Variants in SFMBT2 observed in about 807,000 individuals in gnomAD.
SFMBT2 encodes the protein Scm like with four mbt domains 2.
Under a neutral mutation model 110.1 loss-of-function variants are expected in SFMBT2, and 38 were observed. The ratio of observed to expected loss-of-function variants is 0.35; its 90% CI spans 0.27 to 0.45. The LOEUF (loss-of-function observed/expected upper bound fraction) is 0.45. SFMBT2 is among the 20% of genes least tolerant of loss of function. The pLI, the probability that SFMBT2 is intolerant of heterozygous loss-of-function variation, is 1.00. For synonymous variants in SFMBT2, 425 were observed against 425.4 expected, an observed-to-expected ratio of 1.00 and a Z score of 0.01; for missense variants, 1,011 against 1,094.9, an observed-to-expected ratio of 0.92 and a Z score of 1.08.
At chr10:7,341,511 T>G (rs1339755344) in intron 4 of SFMBT2, among the ~76,000 whole-genome samples, 1 of 152,218 alleles carries the variant, frequency 6.6e-6, no homozygotes, top group East Asian at 1.9e-4. Context: ...TTTTATTCAT[T>G]CAACAAATTT....
rs1377534554 is a variant in SFMBT2 at position 7,172,592 on chromosome 10, T to C, written c.2054A>G (p.His685Arg). 6 of 1,614,066 alleles carry C rather than the reference T, an allele frequency of 3.7e-6. No individual in the cohort carries two copies. In the Admixed American group the frequency reaches 8.3e-5, roughly 22 times the overall value. Residue 685 changes from histidine to arginine, a missense_variant, in exon 18 of 21, where the codon CAC becomes CGC. By Grantham distance (29) the His-to-Arg change is conservative. This residue lies in a region of SFMBT2 where 979 missense variants were observed against 1,016.1 expected (regional missense o/e 0.96). Transcript: ENST00000397167. This position sits in a 1 kb window ranked among gnomAD's most constrained non-coding sequence, Gnocchi z 4.6. ...PIGESNPDSG[H>R]PKPARRRKRR... ...CTTCCTCCGCCTGGCGGGTTTGGGGTGTCCGCTGTCGGGGTTGCTTTCCCC... is the reference window on the plus strand; with the variant it reads ...CTTCCTCCGCCTGGCGGGTTTGGGGCGTCCGCTGTCGGGGTTGCTTTCCCC...
In SFMBT2 at chr10:7,227,898, T is replaced by C. The variant is rs772185269; in HGVS notation, c.1160A>G (p.Lys387Arg). The part of the protein sequence containing the change: ...GQDFDWADYH[K>R]QHGAQEAPPF... ...AGGGGCTTCCTGCGCCCCATGCTGC[T>C]TGTGATAATCTGCCCAGTCGAAGTC... The change falls in exon 10 of 21, where the codon AAG becomes AGG. Residue 387 changes from lysine (K) to arginine (R), a missense_variant. Physicochemically the swap from Lys to Arg is conservative, Grantham distance 26. Transcript: ENST00000397167. 6.2e-7 allele frequency: 1 copy of C among 1,608,118 alleles called. No individual in the cohort carries two copies. Among genetic ancestry groups the C allele is most frequent in the Admixed American group, 1.7e-5 (1 of 58,680 alleles).
At chr10:7,203,136 C>T in intron 12 of SFMBT2, 1 of 975,776 alleles carries the variant, frequency 1.0e-6, no homozygotes, top group Non-Finnish European at 1.2e-6. Flanking sequence ...AACTTTGGCT[C>T]AGATAATCCT....
At chr10:7,384,167 C>G (rs558500326) in intron 1 of SFMBT2, among the ~76,000 whole-genome samples, 1 of 136,274 alleles carries the variant, frequency 7.3e-6, no homozygotes, top group Non-Finnish European at 1.5e-5. Flanking sequence ...GCTGAGATCG[C>G]GCCATTGCTC....
chr10:7,266,073 C>T (rs1224382702), intron 7 of SFMBT2, among the ~76,000 whole-genome samples: 1 of 151,640 alleles, frequency 6.6e-6, no homozygotes, highest in Non-Finnish European at 1.5e-5. Context: ...GATAGTGGAA[C>T]AGAGTGCGGT....
At chr10:7,164,246 G>T (rs554363524) in intron 20 of SFMBT2, 1 of 624,304 alleles carries the variant, frequency 1.6e-6, no homozygotes, top group Non-Finnish European at 2.0e-6. Context: ...AATTAGCTGG[G>T]CATGGTGGTG....
chr10:7,374,855 C>T (rs1424037518), intron 2 of SFMBT2, among the ~76,000 whole-genome samples: 1 of 152,224 alleles, frequency 6.6e-6, no homozygotes, highest in African/African-American at 2.4e-5. Flanking sequence ...TCACGTACAA[C>T]CCTTCCCCAG....
chr10:7,209,367 C>T (rs1177704350), intron 11 of SFMBT2, among the ~76,000 whole-genome samples: 1 of 152,206 alleles, frequency 6.6e-6, no homozygotes, highest in Non-Finnish European at 1.5e-5. Context: ...AACACAAGAC[C>T]ATGTTCAATC....
At chr10:7,205,759 T>A (rs977302241) in intron 12 of SFMBT2, 56 bp downstream of exon 12, 14 of 1,560,328 alleles carry the variant, frequency 9.0e-6, no homozygotes, top group Non-Finnish European at 1.2e-5. Flanking sequence ...AAGCTGCCAA[T>A]TTATTCACAA....
At chr10:7,234,383 A>T (rs2131693532) in intron 9 of SFMBT2, among the ~76,000 whole-genome samples, 1 of 152,378 alleles carries the variant, frequency 6.6e-6, no homozygotes, top group East Asian at 1.9e-4. Context: ...TCTACATGTT[A>T]TTCTGAATTA....
At position 7,367,900 on chromosome 10, in the gene SFMBT2, C is replaced by G. The variant is rs1248740989; in HGVS notation, c.196-11G>C. ...AATGCTGATTTCAACCTTAAGGAAT[C>G]AGAAATAGAGAAAACCCATTACTAC... On this transcript the variant is annotated splice_polypyrimidine_tract_variant and intron_variant, in intron 3 of 20. Transcript: ENST00000397167. This position sits in a 1 kb window ranked among gnomAD's most constrained non-coding sequence, Gnocchi z 6.2. The G allele has an allele frequency of 3.1e-6, 5 of 1,613,292 alleles. No individual in the cohort carries two copies. The Admixed American group carries it at 6.7e-5, about 22-fold the overall frequency.
chr10:7,251,369 G>C (rs1253534719), intron 7 of SFMBT2, among the ~76,000 whole-genome samples: 1 of 152,084 alleles, frequency 6.6e-6, no homozygotes, highest in African/African-American at 2.4e-5. Context: ...AGCTACCCGG[G>C]AGGCAGAGGC....
At chr10:7,302,708 G>A (rs903028005) in intron 4 of SFMBT2, among the ~76,000 whole-genome samples, 2 of 152,298 alleles carry the variant, frequency 1.3e-5, no homozygotes, top group Non-Finnish European at 2.9e-5. Flanking sequence ...GAAAACTGTT[G>A]AGAAAGAACA....
At chr10:7,387,157 T>C (rs1845631177) in intron 1 of SFMBT2, among the ~76,000 whole-genome samples, 1 of 152,182 alleles carries the variant, frequency 6.6e-6, no homozygotes, top group Non-Finnish European at 1.5e-5. Context: ...CCACACAGTG[T>C]CATCTGTGAG....
chr10:7,374,474 T>C (rs1845147525), intron 2 of SFMBT2, among the ~76,000 whole-genome samples: 1 of 152,210 alleles, frequency 6.6e-6, no homozygotes, highest in Non-Finnish European at 1.5e-5. Flanking sequence ...TTATTCTCCA[T>C]ACAATTCTAA....
At chr10:7,196,592 C>T (rs560560055) in intron 15 of SFMBT2, among the ~76,000 whole-genome samples, 6 of 152,248 alleles carry the variant, frequency 3.9e-5, no homozygotes, top group Non-Finnish European at 5.9e-5. Context: ...AGGCAGAAGG[C>T]AGAGCCTATT....
intron 15 of SFMBT2, among the ~76,000 whole-genome samples, chr10:7,190,365 G>T (rs530196945): frequency 2.6e-5 from 4 of 152,124 alleles, no homozygotes; most frequent in Non-Finnish European, 4.4e-5. Context: ...ATTGGGTTTC[G>T]CTGAGAAAAC....
In SFMBT2 at chr10:7,403,930, T is replaced by A. The variant is rs575351982; in HGVS notation, c.-52+6931A>T. ...GATATTTAAATAAGCAGCTTTTTTT[T>A]ATTTTTAAAAGTATTTGAAGGACTG... On this transcript the variant is annotated intron_variant, in intron 1 of 20. Coordinates refer to ENST00000397167, the MANE Select transcript of SFMBT2 (RefSeq NM_001387889.1). Among the ~76,000 whole-genome samples the A allele has an allele frequency of 1.7e-3, 256 of 152,326 alleles. 1 individual carries two copies. The highest frequency in any genetic ancestry group is 5.8e-3 in the African/African-American group (240 of 41,560).
At chr10:7,368,556 C>T (rs1844975935) in intron 3 of SFMBT2, among the ~76,000 whole-genome samples, 1 of 152,214 alleles carries the variant, frequency 6.6e-6, no homozygotes, top group African/African-American at 2.4e-5. Flanking sequence ...GACCTGGGGA[C>T]TTCTGCAGCC....
Sources: allele counts gnomAD v4.1 joint callset (sites outside exome capture counted in the v4.1 genomes callset), GRCh38; gene constraint gnomAD v4.1.1; regional missense constraint gnomAD v4.1.1; non-coding constraint Gnocchi (gnomAD v3.1); transcripts MANE v1.5; gene names NCBI Gene and HGNC (gene_info 2026-07-23, HGNC 2026-07-21).